The following MGAT4C variants were observed in gnomAD, a reference collection of about 807,000 sequenced individuals.
The protein encoded by MGAT4C is alpha-1,3-mannosyl-glycoprotein 4-beta-N-acetylglucosaminyltransferase C.
Under a neutral mutation model 40.1 loss-of-function variants are expected in MGAT4C, and 19 were observed. The ratio of observed to expected loss-of-function variants is 0.47; its 90% CI spans 0.33 to 0.70. MGAT4C has a LOEUF of 0.70. Among genes scored for constraint, MGAT4C ranks in the 30% least tolerant of loss-of-function variants. The pLI is 0.02. For missense variants in MGAT4C, 491 were observed against 563.2 expected (o/e 0.87, Z 1.30); for synonymous variants, 181 against 187.1 (o/e 0.97, Z 0.27).
chr12:86,294,764 T>C (rs2136132142), intron 4 of MGAT4C, among the ~76,000 whole-genome samples: 1 of 152,326 alleles, frequency 6.6e-6, no homozygotes, highest in Middle Eastern at 3.4e-3. Flanking sequence ...AGCAGACTAT[T>C]TGGTTCCTAT....
At chr12:86,669,525 C>T (rs867299862) in intron 2 of MGAT4C, among the ~76,000 whole-genome samples, 2 of 152,218 alleles carry the variant, frequency 1.3e-5, no homozygotes, top group African/African-American at 4.8e-5. Flanking sequence ...TCCCCCATCC[C>T]CATGCAGAGA....
At chr12:86,583,447 C>G (rs1960876560) in intron 2 of MGAT4C, among the ~76,000 whole-genome samples, 2 of 151,376 alleles carry the variant, frequency 1.3e-5, no homozygotes, top group South Asian at 4.1e-4. Context: ...AGACTTAGTG[C>G]TTTATTTTTC....
intron 1 of MGAT4C, among the ~76,000 whole-genome samples, chr12:86,801,286 T>A (rs547759370): frequency 2.6e-4 from 39 of 151,894 alleles, no homozygotes; most frequent in African/African-American, 9.4e-4. Context: ...AAAAGCAGTG[T>A]CCTCAAGGGA....
intron 1 of MGAT4C, among the ~76,000 whole-genome samples, chr12:86,131,374 T>A (rs1881154426): frequency 6.6e-6 from 1 of 152,060 alleles, no homozygotes; most frequent in African/African-American, 2.4e-5. Context: ...TAGGGTGAGT[T>A]TTCTATTGCT....
intron 1 of MGAT4C, among the ~76,000 whole-genome samples, chr12:86,822,112 T>C (rs1230636675): frequency 6.6e-6 from 1 of 151,040 alleles, no homozygotes; most frequent in Non-Finnish European, 1.5e-5. Context: ...ATTTAAGTTG[T>C]TATCAGCTTA....
intron 3 of MGAT4C, among the ~76,000 whole-genome samples, chr12:86,340,188 A>G (rs1396764890): frequency 2.0e-5 from 3 of 152,200 alleles, no homozygotes; most frequent in Non-Finnish European, 4.4e-5. Flanking sequence ...TATTAAGTAA[A>G]TCATCTTAAA....
chr12:86,178,150 A>C (rs945887428), intron 1 of MGAT4C, among the ~76,000 whole-genome samples: 7 of 152,122 alleles, frequency 4.6e-5, no homozygotes, highest in African/African-American at 1.4e-4. Flanking sequence ...GTTAGCCAGG[A>C]TGGTCTTGAT....
intron 1 of MGAT4C, among the ~76,000 whole-genome samples, chr12:86,172,288 C>T (rs552102512): frequency 1.6e-4 from 25 of 152,110 alleles, no homozygotes; most frequent in African/African-American, 6.0e-4. Flanking sequence ...ATTATTTTCA[C>T]CAAGCTAAAT....
intron 3 of MGAT4C, among the ~76,000 whole-genome samples, chr12:86,425,725 A>G (rs1195896111): frequency 6.6e-6 from 1 of 152,164 alleles, no homozygotes; most frequent in East Asian, 1.9e-4. Context: ...CCAGCCAGCA[A>G]AGGAAATTAC....
intron 2 of MGAT4C, among the ~76,000 whole-genome samples, chr12:86,595,122 G>C (rs577055307): frequency 6.6e-6 from 1 of 152,262 alleles, no homozygotes; most frequent in African/African-American, 2.4e-5. Context: ...AGGGAGTCAT[G>C]CTGGGCCTAA....
intron 2 of MGAT4C, among the ~76,000 whole-genome samples, chr12:86,687,548 A>C (rs538523542): frequency 8.2e-4 from 125 of 152,220 alleles, no homozygotes; most frequent in African/African-American, 2.8e-3. Flanking sequence ...CTTTGTTCTC[A>C]TTGGTTTCAA....
At chr12:86,359,378 A>C (rs987823140) in intron 3 of MGAT4C, among the ~76,000 whole-genome samples, 60 of 152,342 alleles carry the variant, frequency 3.9e-4, no homozygotes, top group African/African-American at 1.4e-3. Flanking sequence ...GAAAGAGGAA[A>C]GATCTAAAAT....
chr12:86,177,014 A>T (rs189404962), intron 1 of MGAT4C, among the ~76,000 whole-genome samples: 244 of 151,980 alleles, frequency 1.6e-3, no homozygotes, highest in African/African-American at 5.7e-3. Flanking sequence ...AGGTCAGTAT[A>T]TCTGACCCAT....
intron 2 of MGAT4C, among the ~76,000 whole-genome samples, chr12:86,566,088 C>T (rs183352461): frequency 6.6e-6 from 1 of 152,262 alleles, no homozygotes; most frequent in African/African-American, 2.4e-5. Flanking sequence ...GAAAGGGCAG[C>T]AGTTTGTCCT....
At chr12:86,165,552 G>T (rs1886092599) in intron 1 of MGAT4C, among the ~76,000 whole-genome samples, 1 of 152,084 alleles carries the variant, frequency 6.6e-6, no homozygotes, top group Admixed American at 6.5e-5. Flanking sequence ...ATATATTCAA[G>T]TATGTGGTAG....
At chr12:86,693,943 T>G (rs1950212396) in intron 2 of MGAT4C, among the ~76,000 whole-genome samples, 1 of 152,190 alleles carries the variant, frequency 6.6e-6, no homozygotes, top group Non-Finnish European at 1.5e-5. Context: ...TCGCCAATAA[T>G]GACATTCATT....
intron 2 of MGAT4C, among the ~76,000 whole-genome samples, chr12:86,511,795 A>G (rs1324774452): frequency 1.3e-5 from 2 of 152,132 alleles, no homozygotes; most frequent in Non-Finnish European, 2.9e-5. Context: ...AAAATCCTTG[A>G]AAGAGACAAA....
rs182191996 is a variant in MGAT4C at position 86,779,438 on chromosome 12, T to C, written c.-261-52197A>G. On this transcript the variant is annotated intron_variant, in intron 1 of 7. Coordinates refer to the MGAT4C transcript ENST00000548651. ...AGCGAGACCCCATCTCTACAAAAAA[T>C]AATTGAAAAAAAAATTAGCCAGGCA... is the stretch of plus-strand genomic sequence containing the variant. Among the ~76,000 whole-genome samples, 67 of 151,294 alleles carry C rather than the reference T, an allele frequency of 4.4e-4. No homozygotes were observed. The East Asian group carries it at 0.011, about 24-fold the overall frequency.
chr12:86,536,303 T>A (rs1959066805), intron 2 of MGAT4C, among the ~76,000 whole-genome samples: 1 of 152,158 alleles, frequency 6.6e-6, no homozygotes, highest in African/African-American at 2.4e-5. Flanking sequence ...ATAAAGGACA[T>A]AGATTTGCAA....
Sources: allele counts gnomAD v4.1 joint callset (sites outside exome capture counted in the v4.1 genomes callset), GRCh38; gene constraint gnomAD v4.1.1; transcripts MANE v1.5; gene names NCBI Gene and HGNC (gene_info 2026-07-23, HGNC 2026-07-21).